Variants in ITGA1 observed in about 807,000 individuals in gnomAD.
The protein encoded by ITGA1 is integrin subunit alpha 1, also known as integrin alpha-1.
ITGA1 carries 85 observed loss-of-function variants against 145.9 expected under a neutral mutation model. That is an observed-to-expected ratio of 0.58 (90% CI 0.49 to 0.70). ITGA1 has a LOEUF of 0.70. ITGA1 is among the 30% of genes least tolerant of loss of function. The pLI, the probability that ITGA1 is intolerant of heterozygous loss-of-function variation, is 0.00. For synonymous variants in ITGA1, 520 were observed against 495.3 expected, an observed-to-expected ratio of 1.05 and a Z score of -0.66; for missense variants, 1,351 against 1,418.7, an observed-to-expected ratio of 0.95 and a Z score of 0.77.
At chr5:52,891,570 A>C (rs1750150405) in intron 8 of ITGA1, among the ~76,000 whole-genome samples, 2 of 151,464 alleles carry the variant, frequency 1.3e-5, no homozygotes, top group Middle Eastern at 6.8e-3. Context: ...AAAAAAAAAA[A>C]AAAAAACCAA....
chr5:52,888,935 A>G (rs889658553), intron 8 of ITGA1, among the ~76,000 whole-genome samples: 7 of 152,210 alleles, frequency 4.6e-5, no homozygotes, highest in Admixed American at 3.3e-4. Flanking sequence ...TCCCCAGGGA[A>G]AAGGATGAGG....
intron 1 of ITGA1, among the ~76,000 whole-genome samples, chr5:52,834,421 T>C (rs573534522): frequency 6.6e-6 from 1 of 150,494 alleles, no homozygotes; most frequent in East Asian, 2.0e-4. Context: ...TCTGTGTACA[T>C]AGTGGAGAGA....
rs1750927083 is a variant in ITGA1 at position 52,933,884 on chromosome 5, AT to A, written c.2862-4del. The A allele has an allele frequency of 6.5e-6, 9 of 1,392,498 alleles. No individual in the cohort carries two copies. The highest frequency in any genetic ancestry group is 4.5e-5 in the South Asian group (3 of 66,324). The allele number at this position is 1,392,498 out of a possible 1,614,324, so 86.3% of individuals were successfully genotyped here. ...TTATGTTTTATTTTTCTTCTAATTA[AT>A]TTTTTAAGCTCTGCAAGTGAATACC... On this transcript the variant is annotated splice_polypyrimidine_tract_variant and intron_variant, in intron 22 of 28. Coordinates refer to ENST00000282588, the MANE Select transcript of ITGA1 (RefSeq NM_181501.2).
intron 1 of ITGA1, among the ~76,000 whole-genome samples, chr5:52,831,621 C>CT (rs372199040): frequency 7.5e-5 from 11 of 146,734 alleles, no homozygotes; most frequent in African/African-American, 2.0e-4. Context: ...AGAATTTTTT[C>CT]TTTTTTTTTT....
At chr5:52,901,964 G>A (rs1210509420) in intron 11 of ITGA1, 1 of 152,114 alleles carries the variant, frequency 6.6e-6, no homozygotes. Flanking sequence ...AAATAGAAAA[G>A]CATTCAGAAA....
chr5:52,912,997 C>T (rs1264711948), intron 14 of ITGA1, among the ~76,000 whole-genome samples: 8 of 152,046 alleles, frequency 5.3e-5, no homozygotes, highest in Non-Finnish European at 2.9e-5. Context: ...CCGCCCACCT[C>T]GGCCTCCCAA....
At chr5:52,865,981 T>G (rs1749680736) in intron 6 of ITGA1, among the ~76,000 whole-genome samples, 164 bp downstream of exon 6, 1 of 152,038 alleles carries the variant, frequency 6.6e-6, no homozygotes, top group Non-Finnish European at 1.5e-5. Context: ...GACATTACTT[T>G]AAGCTGTGTT....
chr5:52,923,400 A>C (rs1369135967), intron 18 of ITGA1, among the ~76,000 whole-genome samples: 2 of 152,114 alleles, frequency 1.3e-5, no homozygotes, highest in Non-Finnish European at 2.9e-5. Flanking sequence ...GTTTTTCAGC[A>C]AGCTTACCTA....
At chr5:52,845,677 C>T (rs1749321073) in intron 1 of ITGA1, among the ~76,000 whole-genome samples, 1 of 152,088 alleles carries the variant, frequency 6.6e-6, no homozygotes, top group South Asian at 2.1e-4. Flanking sequence ...TCATGAAGTG[C>T]TATTGGCTTC....
intron 13 of ITGA1, among the ~76,000 whole-genome samples, chr5:52,909,880 T>A (rs1260782058): frequency 6.6e-6 from 1 of 151,966 alleles, no homozygotes; most frequent in Non-Finnish European, 1.5e-5. Context: ...GTGGCACAAA[T>A]TAAGGATATA....
At chr5:52,805,132 C>CT (rs1292062526) in intron 1 of ITGA1, among the ~76,000 whole-genome samples, 33 of 152,076 alleles carry the variant, frequency 2.2e-4, no homozygotes, top group African/African-American at 7.2e-4. Context: ...GAGCAAGGAC[C>CT]AGTAAGTTTA....
chr5:52,906,064 G>A (rs1377587353), intron 12 of ITGA1, among the ~76,000 whole-genome samples, 156 bp downstream of exon 12: 3 of 152,210 alleles, frequency 2.0e-5, no homozygotes, highest in African/African-American at 4.8e-5. Flanking sequence ...GATGTATAGT[G>A]TCTGTATCTT....
chr5:52,801,457 G>A (rs745354927), intron 1 of ITGA1: 2 of 1,613,988 alleles, frequency 1.2e-6, no homozygotes, highest in Non-Finnish European at 1.7e-6. Flanking sequence ...GGCCCTTTGT[G>A]ACCCTACTGT....
chr5:52,834,606 G>A (rs1241588814), intron 1 of ITGA1, among the ~76,000 whole-genome samples: 1 of 148,188 alleles, frequency 6.7e-6, no homozygotes, highest in Non-Finnish European at 1.5e-5. Context: ...AAGAAAGAGA[G>A]AGAAAGAAGA....
At chr5:52,871,384 A>C (rs747602288) in intron 6 of ITGA1, among the ~76,000 whole-genome samples, 4 of 152,190 alleles carry the variant, frequency 2.6e-5, no homozygotes, top group Non-Finnish European at 4.4e-5. Context: ...CACTTTAAAT[A>C]AATTTTGAAG....
chr5:52,809,996 C>T (rs1233949087), intron 1 of ITGA1, among the ~76,000 whole-genome samples: 1 of 151,760 alleles, frequency 6.6e-6, no homozygotes. Flanking sequence ...TGAAAGGACT[C>T]TGAAAGATTG....
intron 1 of ITGA1, among the ~76,000 whole-genome samples, chr5:52,839,885 C>T (rs977507873): frequency 1.7e-5 from 2 of 117,608 alleles, no homozygotes; most frequent in Non-Finnish European, 3.5e-5. Context: ...GTAACTGTGT[C>T]TCCTGTTTCA....
intron 6 of ITGA1, among the ~76,000 whole-genome samples, chr5:52,870,927 C>T (rs185101259): frequency 2.0e-5 from 3 of 152,276 alleles, no homozygotes; most frequent in Admixed American, 2.0e-4. Flanking sequence ...CTTGTACATA[C>T]CTATTAGGAC....
intron 2 of ITGA1, 30 bp downstream of exon 2, chr5:52,849,515 T>C: frequency 6.5e-7 from 1 of 1,549,418 alleles, no homozygotes. Flanking sequence ...TGTTGTTATT[T>C]ACTTATTTCA....
Sources: gnomAD v4.1 joint callset for allele counts (sites outside exome capture counted in the v4.1 genomes callset) on GRCh38, gnomAD v4.1.1 for gene constraint, MANE v1.5 for transcripts, NCBI Gene and HGNC (gene_info 2026-07-23, HGNC 2026-07-21) for gene names.